The following THEMIS variants were observed in gnomAD, a reference collection of about 807,000 sequenced individuals.
THEMIS encodes the protein thymocyte selection associated.
A neutral mutation model predicts 52.6 loss-of-function variants in THEMIS; 37 were observed. That is an observed-to-expected ratio of 0.70 (90% CI 0.54 to 0.93). The LOEUF (loss-of-function observed/expected upper bound fraction) is 0.93. Among genes scored for constraint, THEMIS ranks in the 40% least tolerant of loss-of-function variants. The probability of loss-of-function intolerance (pLI) is 0.00; values close to 1 mark genes in which losing one functional copy is unlikely to be tolerated. For missense variants in THEMIS, 808 were observed against 763.1 expected, an observed-to-expected ratio of 1.06 and a Z score of -0.69; for synonymous variants, 292 against 272.7, an observed-to-expected ratio of 1.07 and a Z score of -0.70.
chr6:127,795,384 A>G (rs1777293259), intron 4 of THEMIS, among the ~76,000 whole-genome samples: 1 of 152,202 alleles, frequency 6.6e-6, no homozygotes, highest in Middle Eastern at 3.2e-3. Flanking sequence ...GCTGGAGTGC[A>G]GTGGCACGAT....
chr6:127,864,192 T>C (rs1310768899), intron 1 of THEMIS, among the ~76,000 whole-genome samples: 1 of 152,014 alleles, frequency 6.6e-6, no homozygotes, highest in Non-Finnish European at 1.5e-5. Flanking sequence ...TAGTAGATTA[T>C]AGACCAAGGG....
At chr6:127,712,296 G>T (rs1040503799) in intron 5 of THEMIS, among the ~76,000 whole-genome samples, 11 of 151,856 alleles carry the variant, frequency 7.2e-5, no homozygotes, top group African/African-American at 2.4e-4. Context: ...AGCTCACCCT[G>T]CCTGATCTAA....
Position 127,755,122 on chromosome 6 carries a change from C to T in THEMIS, c.1759-35299G>A, listed in dbSNP as rs573525127. 2.2e-3 allele frequency among the ~76,000 whole-genome samples: 337 copies of T among 151,762 alleles called. 1 individual carries two copies. The highest frequency in any genetic ancestry group is 6.8e-3 in the Middle Eastern group (2 of 292). ...ATACAAGGCATCTTTTTTTGAAAAC[C>T]GCCAGCATCTACAGAACACGTGTTC... On this transcript the variant is annotated intron_variant, in intron 4 of 5. Transcript: ENST00000368248.
intron 4 of THEMIS, among the ~76,000 whole-genome samples, chr6:127,778,642 T>C (rs1034080988): frequency 6.6e-6 from 1 of 152,136 alleles, no homozygotes; most frequent in African/African-American, 2.4e-5. Context: ...ACGACAGTGA[T>C]CTGATCTTTT....
chr6:127,788,832 C>T (rs1485160194), intron 4 of THEMIS, among the ~76,000 whole-genome samples: 1 of 151,940 alleles, frequency 6.6e-6, no homozygotes, highest in Non-Finnish European at 1.5e-5. Flanking sequence ...CTTTATTTAC[C>T]TTAATATAGT....
At chr6:127,826,689 T>G (rs1360041805) in intron 3 of THEMIS, among the ~76,000 whole-genome samples, 3 of 152,326 alleles carry the variant, frequency 2.0e-5, no homozygotes, top group Admixed American at 2.0e-4. Context: ...TTTTTTCATT[T>G]GCAAATATTA....
At chr6:127,714,580 G>A (rs770201432) in intron 5 of THEMIS, among the ~76,000 whole-genome samples, 2 of 151,688 alleles carry the variant, frequency 1.3e-5, no homozygotes, top group African/African-American at 2.4e-5. Flanking sequence ...CACATTAAGC[G>A]ATATTTTAAA....
chr6:127,887,902 G>A (rs1780693302), intron 1 of THEMIS, among the ~76,000 whole-genome samples: 1 of 152,048 alleles, frequency 6.6e-6, no homozygotes, highest in Admixed American at 6.6e-5. Context: ...ATAAAAACAT[G>A]CTATACCTAA....
At chr6:127,718,516 A>AT (rs1163247301) in intron 5 of THEMIS, among the ~76,000 whole-genome samples, 1 of 151,948 alleles carries the variant, frequency 6.6e-6, no homozygotes, top group East Asian at 1.9e-4. Context: ...AGATTAGATA[A>AT]TGTTTCCCTC....
intron 1 of THEMIS, among the ~76,000 whole-genome samples, chr6:127,867,687 A>G (rs2114366063): frequency 6.6e-6 from 1 of 152,260 alleles, no homozygotes; most frequent in East Asian, 1.9e-4. Context: ...AGAAACGGAG[A>G]ACAGATATAG....
At chr6:127,900,791 GTA>G in intron 1 of THEMIS, 49 bp downstream of exon 1, 1 of 1,523,686 alleles carries the variant, frequency 6.6e-7, no homozygotes, top group African/African-American at 1.4e-5. Context: ...TTTCAAAAAT[GTA>G]TACTTTACAA....
intron 2 of THEMIS, among the ~76,000 whole-genome samples, chr6:127,852,123 A>G (rs1440069254): frequency 6.6e-6 from 1 of 151,636 alleles, no homozygotes; most frequent in East Asian, 1.9e-4. Flanking sequence ...TAGACTTTAA[A>G]ACAAAAATTG....
intron 4 of THEMIS, among the ~76,000 whole-genome samples, chr6:127,808,205 A>C (rs1253950057): frequency 6.6e-6 from 1 of 152,182 alleles, no homozygotes; most frequent in Non-Finnish European, 1.5e-5. Flanking sequence ...CTCATCTTTC[A>C]ACCAAAGGTT....
rs148447984 is a variant in THEMIS, at chr6:127,780,018, A to G, written c.1758+32865T>C. On this transcript the variant is annotated intron_variant, in intron 4 of 5. Coordinates refer to ENST00000368248, the MANE Select transcript of THEMIS (RefSeq NM_001010923.3). ...CAGAGTGTTAAAGTCTCCCAATATT[A>G]TTGTGTGGGAGTCTAAGTCTCTTTG... Among the ~76,000 whole-genome samples the G allele has an allele frequency of 1.1e-3, 173 of 152,226 alleles. 1 individual carries two copies. Among genetic ancestry groups the G allele is most frequent in the African/African-American group, 3.9e-3 (163 of 41,546 alleles).
At chr6:127,897,049 A>G (rs1421108812) in intron 1 of THEMIS, among the ~76,000 whole-genome samples, 12 of 151,504 alleles carry the variant, frequency 7.9e-5, no homozygotes, top group Non-Finnish European at 7.4e-5. Flanking sequence ...ACAGAGTAAG[A>G]TGATAGAGAA....
intron 4 of THEMIS, among the ~76,000 whole-genome samples, chr6:127,800,905 G>T (rs1777510574): frequency 6.6e-6 from 1 of 152,172 alleles, no homozygotes; most frequent in Non-Finnish European, 1.5e-5. Context: ...TCCCTGTAGA[G>T]AACCCTGACT....
chr6:127,722,230 A>G (rs766390943), intron 4 of THEMIS, among the ~76,000 whole-genome samples: 5 of 151,990 alleles, frequency 3.3e-5, no homozygotes, highest in Admixed American at 3.3e-4. Flanking sequence ...TTTACATTAC[A>G]TATTATAGCC....
chr6:127,844,802 T>C (rs911602479), intron 2 of THEMIS, among the ~76,000 whole-genome samples: 3 of 151,894 alleles, frequency 2.0e-5, no homozygotes, highest in African/African-American at 4.8e-5. Context: ...AACTACCGAA[T>C]AGGATATATT....
At position 127,708,349 on chromosome 6, in the gene THEMIS, C is replaced by G. The variant is rs1239260858; in HGVS notation, c.*1636G>C. ...GTTATATATGATTTCTATTAGAAAG[C>G]CCTTGATAATTTACAACCAAAGTAA... On this transcript the variant is annotated 3_prime_UTR_variant, in exon 6 of 6. Transcript: ENST00000368248. 6.6e-6 allele frequency: 1 copy of G among 151,958 alleles called. No homozygotes were observed. Among genetic ancestry groups the G allele is most frequent in the Admixed American group, 6.6e-5 (1 of 15,228 alleles). 9.4% of individuals were successfully genotyped at this position (151,958 alleles called of 1,614,324 possible).
Sources: allele counts gnomAD v4.1 joint callset (sites outside exome capture counted in the v4.1 genomes callset), GRCh38; gene constraint gnomAD v4.1.1; transcripts MANE v1.5; gene names NCBI Gene and HGNC (gene_info 2026-07-23, HGNC 2026-07-21).